C8orf34: variants seen among roughly 807,000 people sequenced by gnomAD.
The protein encoded by C8orf34 is chromosome 8 open reading frame 34, also known as uncharacterized protein C8orf34.
A neutral mutation model predicts 68.3 loss-of-function variants in C8orf34; 65 were observed. The ratio of observed to expected loss-of-function variants is 0.95; its 90% CI spans 0.78 to 1.17. The LOEUF is 1.17. C8orf34 is among the 50% of genes most tolerant of loss of function. The probability of loss-of-function intolerance (pLI) is 0.00; values close to 1 mark genes in which losing one functional copy is unlikely to be tolerated. For synonymous variants in C8orf34, 244 were observed against 241.2 expected, an observed-to-expected ratio of 1.01 and a Z score of -0.11; for missense variants, 664 against 655.4, an observed-to-expected ratio of 1.01 and a Z score of -0.14.
chr8:68,529,787 T>A (rs1815168913), intron 6 of C8orf34, among the ~76,000 whole-genome samples: 1 of 152,146 alleles, frequency 6.6e-6, no homozygotes, highest in Admixed American at 6.5e-5. Context: ...TATATTATGT[T>A]TTATAAACTG....
At chr8:68,544,656 G>T (rs2129974523) in intron 7 of C8orf34, among the ~76,000 whole-genome samples, 1 of 152,230 alleles carries the variant, frequency 6.6e-6, no homozygotes, top group South Asian at 2.1e-4. Context: ...TAATGGAAAA[G>T]AACATAAGGA....
intron 2 of C8orf34, among the ~76,000 whole-genome samples, chr8:68,445,579 T>G (rs1811086945): frequency 6.6e-6 from 1 of 152,146 alleles, no homozygotes; most frequent in African/African-American, 2.4e-5. Context: ...CAATGTTGGT[T>G]GATTTAAATT....
chr8:68,499,650 A>C (rs1300828264), intron 5 of C8orf34, among the ~76,000 whole-genome samples: 4 of 152,164 alleles, frequency 2.6e-5, no homozygotes, highest in Non-Finnish European at 5.9e-5. Flanking sequence ...ATTTTGGTGA[A>C]TTCCAGGATA....
At chr8:68,381,608 T>C (rs1586023401) in intron 1 of C8orf34, among the ~76,000 whole-genome samples, 1 of 150,614 alleles carries the variant, frequency 6.6e-6, no homozygotes, top group East Asian at 1.9e-4. Flanking sequence ...GGCGGGCGCC[T>C]GTAGTCCCAG....
intron 1 of C8orf34, among the ~76,000 whole-genome samples, chr8:68,354,737 G>A (rs948896405): frequency 2.0e-5 from 3 of 151,970 alleles, no homozygotes; most frequent in African/African-American, 4.8e-5. Flanking sequence ...AGGTATCTGC[G>A]GACAAAAGAT....
At chr8:68,525,153 G>T (rs528392472) in intron 6 of C8orf34, among the ~76,000 whole-genome samples, 43 of 152,144 alleles carry the variant, frequency 2.8e-4, no homozygotes, top group Middle Eastern at 6.8e-3. Flanking sequence ...AATAAAACCT[G>T]GAAATGGTCC....
chr8:68,394,400 C>A (rs914331127), intron 1 of C8orf34, among the ~76,000 whole-genome samples: 2 of 151,750 alleles, frequency 1.3e-5, no homozygotes, highest in Admixed American at 6.6e-5. Context: ...CATCCATGTC[C>A]CTACAAAGGA....
chr8:68,615,713 T>C (rs533015274), intron 7 of C8orf34, among the ~76,000 whole-genome samples: 12 of 152,350 alleles, frequency 7.9e-5, no homozygotes, highest in Admixed American at 7.8e-4. Flanking sequence ...TGAGGATTTT[T>C]GCATCAATAT....
chr8:68,338,111 A>T (rs193243970), intron 1 of C8orf34, among the ~76,000 whole-genome samples: 24 of 152,248 alleles, frequency 1.6e-4, no homozygotes, highest in African/African-American at 5.3e-4. Flanking sequence ...GAAGTCCAAG[A>T]TCATGGTGCT....
chr8:68,696,892 C>T (rs973342889), intron 8 of C8orf34, among the ~76,000 whole-genome samples: 1 of 151,998 alleles, frequency 6.6e-6, no homozygotes, highest in African/African-American at 2.4e-5. Flanking sequence ...TATTTAATCT[C>T]TTTTCCCCTC....
chr8:68,650,573 G>A (rs1483150894), intron 8 of C8orf34, among the ~76,000 whole-genome samples: 1 of 144,756 alleles, frequency 6.9e-6, no homozygotes, highest in African/African-American at 2.6e-5. Context: ...TCCGCCTCCC[G>A]GGTTCACGCC....
intron 1 of C8orf34, among the ~76,000 whole-genome samples, chr8:68,402,013 A>G (rs1481601256): frequency 6.6e-6 from 1 of 151,890 alleles, no homozygotes; most frequent in African/African-American, 2.4e-5. Flanking sequence ...GGTTTGGTAA[A>G]ATTTGGCTAC....
intron 10 of C8orf34, among the ~76,000 whole-genome samples, chr8:68,736,303 TA>T (rs1438855665): frequency 1.3e-4 from 20 of 152,140 alleles, no homozygotes. Context: ...AGTGCATTGC[TA>T]AAATGCTTTT....
chr8:68,736,920 C>A (rs1474017941), intron 10 of C8orf34, among the ~76,000 whole-genome samples: 2 of 152,044 alleles, frequency 1.3e-5, no homozygotes, highest in Non-Finnish European at 2.9e-5. Flanking sequence ...TAATGTGGAT[C>A]TGAGTAATTT....
intron 10 of C8orf34, among the ~76,000 whole-genome samples, chr8:68,746,917 C>T (rs1206396858): frequency 6.6e-6 from 1 of 152,012 alleles, no homozygotes; most frequent in African/African-American, 2.4e-5. Flanking sequence ...CAAAGCCGGA[C>T]AGAGACACAA....
intron 10 of C8orf34, among the ~76,000 whole-genome samples, chr8:68,745,752 A>C (rs1029909396): frequency 6.6e-6 from 1 of 152,194 alleles, no homozygotes; most frequent in African/African-American, 2.4e-5. Flanking sequence ...TGAGTGACCT[A>C]CAAAGAGACT....
At chr8:68,796,031 C>T (rs796069724) in intron 12 of C8orf34, among the ~76,000 whole-genome samples, 7 of 152,308 alleles carry the variant, frequency 4.6e-5, no homozygotes, top group Middle Eastern at 3.4e-3. Flanking sequence ...TTTGGGAAAA[C>T]GTCAAATACA....
At chr8:68,468,068 T>A (rs1273142861) in intron 3 of C8orf34, among the ~76,000 whole-genome samples, 1 of 152,040 alleles carries the variant, frequency 6.6e-6, no homozygotes, top group African/African-American at 2.4e-5. Flanking sequence ...ACATGTTGAT[T>A]TTCTTGGCAT....
chr8:68,753,360 G>A (rs1476129443), intron 10 of C8orf34, among the ~76,000 whole-genome samples: 3 of 152,022 alleles, frequency 2.0e-5, no homozygotes, highest in African/African-American at 7.3e-5. Context: ...GAAAAAAAGT[G>A]GAAAGTGAAA....
Sources: allele counts gnomAD v4.1 joint callset (sites outside exome capture counted in the v4.1 genomes callset), GRCh38; gene constraint gnomAD v4.1.1; transcripts MANE v1.5; gene names NCBI Gene and HGNC (gene_info 2026-07-23, HGNC 2026-07-21).